TBXAS1: variants seen among roughly 807,000 people sequenced by gnomAD.
TBXAS1 encodes thromboxane-A synthase.
In TBXAS1, 48 loss-of-function variants were observed where a neutral mutation model predicts 60.7. The observed-to-expected ratio is 0.79, with a 90% CI of 0.63 to 1.01. The LOEUF is 1.01. TBXAS1 is among the 50% of genes least tolerant of loss of function. The pLI, the probability that TBXAS1 is intolerant of heterozygous loss-of-function variation, is 0.00. For synonymous variants in TBXAS1, 287 were observed against 269.7 expected (o/e 1.06, Z -0.63); for missense variants, 685 against 686.3 (o/e 1.00, Z 0.02).
intron 9 of TBXAS1, among the ~76,000 whole-genome samples, chr7:139,964,156 G>T (rs1810595393): frequency 6.6e-6 from 1 of 152,088 alleles, no homozygotes; most frequent in Non-Finnish European, 1.5e-5. Context: ...CACAATCCTG[G>T]CTCACTGCAA....
At chr7:139,959,525 C>T (rs1056137622) in intron 8 of TBXAS1, among the ~76,000 whole-genome samples, 1 of 152,144 alleles carries the variant, frequency 6.6e-6, no homozygotes, top group African/African-American at 2.4e-5. Context: ...CCCATCTATA[C>T]TAATGTTCTT....
At chr7:139,905,022 T>C (rs1398564845) in intron 3 of TBXAS1, among the ~76,000 whole-genome samples, 1 of 77,180 alleles carries the variant, frequency 1.3e-5, no homozygotes, top group Non-Finnish European at 2.4e-5. Flanking sequence ...TTTCTTTCTT[T>C]CTTTCTTTCT....
At chr7:140,001,319 C>G in intron 9 of TBXAS1, among the ~76,000 whole-genome samples, 1 of 152,166 alleles carries the variant, frequency 6.6e-6, no homozygotes, top group South Asian at 2.1e-4. Flanking sequence ...GCTCAGTCCC[C>G]CACATTTTTG....
intron 4 of TBXAS1, among the ~76,000 whole-genome samples, chr7:139,809,557 C>T (rs545580400): frequency 6.6e-6 from 1 of 152,152 alleles, no homozygotes; most frequent in African/African-American, 2.4e-5. Context: ...GCTCAGTCCC[C>T]GTCTAAAGGC....
intron 3 of TBXAS1, among the ~76,000 whole-genome samples, chr7:139,878,238 G>C (rs1802412337): frequency 2.0e-5 from 3 of 150,622 alleles, no homozygotes; most frequent in Non-Finnish European, 4.4e-5. Context: ...AAGAGGGGGA[G>C]AGAGAGAGAG....
chr7:139,801,470 C>CTTTTT (rs56097281), intron 4 of TBXAS1, among the ~76,000 whole-genome samples: 1 of 150,244 alleles, frequency 6.7e-6, no homozygotes, highest in Non-Finnish European at 1.5e-5. Context: ...TCTCTTTGTC[C>CTTTTT]TTTTTTTTTC....
intron 1 of TBXAS1, among the ~76,000 whole-genome samples, chr7:139,851,941 A>G (rs552664140): frequency 3.0e-4 from 46 of 152,242 alleles, no homozygotes; most frequent in South Asian, 2.1e-3. Flanking sequence ...CCAAGATTAG[A>G]TTATTGGAGA....
chr7:139,887,031 A>T (rs1803167606), intron 3 of TBXAS1, among the ~76,000 whole-genome samples: 1 of 152,086 alleles, frequency 6.6e-6, no homozygotes, highest in Admixed American at 6.5e-5. Flanking sequence ...CTCAAAATCC[A>T]TACCTGTTCA....
chr7:139,979,733 T>TAAC (rs1811829932), intron 9 of TBXAS1, among the ~76,000 whole-genome samples: 1 of 93,378 alleles, frequency 1.1e-5, no homozygotes, highest in African/African-American at 3.9e-5. Flanking sequence ...ATCTCAATAA[T>TAAC]AATAATAATA....
At chr7:139,868,381 C>T (rs1204018953) in intron 1 of TBXAS1, among the ~76,000 whole-genome samples, 1 of 152,174 alleles carries the variant, frequency 6.6e-6, no homozygotes, top group East Asian at 1.9e-4. Flanking sequence ...GTAAGACTCA[C>T]TCATAAGTAT....
intron 4 of TBXAS1, among the ~76,000 whole-genome samples, chr7:139,934,680 C>T (rs1421796057): frequency 6.6e-6 from 1 of 152,204 alleles, no homozygotes; most frequent in Non-Finnish European, 1.5e-5. Flanking sequence ...CTCTCTTTGG[C>T]TTGTGCATGG....
Position 140,018,753 on chromosome 7 carries a change from T to C in TBXAS1, c.1527+920T>C, listed in dbSNP as rs538497067. On this transcript the variant is annotated intron_variant, in intron 12 of 12. Coordinates refer to ENST00000448866, the MANE Select transcript of TBXAS1 (RefSeq NM_001061.7). ...CACAGCAGGACTGCAGGCTTCGTGATGGCAGGGACCCAGTCTGTCATATTC... is the reference window on the plus strand; with the variant it reads ...CACAGCAGGACTGCAGGCTTCGTGACGGCAGGGACCCAGTCTGTCATATTC... Among the ~76,000 whole-genome samples, 4 of 152,388 alleles carry C rather than the reference T, an allele frequency of 2.6e-5. 2 individuals carry two copies. The South Asian group carries it at 8.3e-4, about 32-fold the overall frequency.
At chr7:139,838,464 G>A (rs1253455873) in intron 1 of TBXAS1, among the ~76,000 whole-genome samples, 1 of 152,064 alleles carries the variant, frequency 6.6e-6, no homozygotes, top group Non-Finnish European at 1.5e-5. Flanking sequence ...AAATTCTCTT[G>A]CCCATGTGAC....
At chr7:139,836,328 A>T (rs116916307) in intron 1 of TBXAS1, among the ~76,000 whole-genome samples, 17,889 of 152,154 alleles carry the variant, frequency 0.12, 1,076 homozygotes, top group Non-Finnish European at 0.13. Flanking sequence ...TCTAAAATTC[A>T]TACAGAACTG....
intron 1 of TBXAS1, among the ~76,000 whole-genome samples, chr7:139,861,048 C>G (rs193076588): frequency 0.014 from 2,074 of 152,094 alleles, 22 homozygotes; most frequent in Middle Eastern, 0.034. Context: ...GTGGCACATG[C>G]CTGTAATCCC....
At chr7:139,829,500 G>A (rs781580953) in intron 1 of TBXAS1, 21 bp downstream of exon 1, 2 of 1,609,900 alleles carry the variant, frequency 1.2e-6, no homozygotes, top group Admixed American at 3.4e-5. Flanking sequence ...CCAGCCCTAG[G>A]GACTGTGACA....
rs141465099 is a variant in TBXAS1 at position 139,893,380 on chromosome 7, T to C, written c.236+17743T>C. 3.9e-3 allele frequency among the ~76,000 whole-genome samples: 500 copies of C among 128,428 alleles called. 4 individuals carry two copies. Among genetic ancestry groups the C allele is most frequent in the African/African-American group, 0.014 (486 of 34,854 alleles). 84.3% of individuals were successfully genotyped at this position (128,428 alleles called of 152,430 possible). A position where few individuals can be genotyped will look rare whatever the true frequency, so the allele number is the denominator to read the frequency against. On this transcript the variant is annotated intron_variant, in intron 3 of 12. Coordinates refer to ENST00000448866, the MANE Select transcript of TBXAS1 (RefSeq NM_001061.7). ...CACACACACACACAGCTCCCTTCAA[T>C]ACCCCCGAATATACATGCCTGGGCA...
At chr7:139,824,148 A>G (rs1314227506) in intron 4 of TBXAS1, among the ~76,000 whole-genome samples, 1 of 152,180 alleles carries the variant, frequency 6.6e-6, no homozygotes, top group African/African-American at 2.4e-5. Context: ...AAAAAGAAAC[A>G]CAAGTCTGAA....
At chr7:139,888,296 C>T (rs1422188704) in intron 3 of TBXAS1, among the ~76,000 whole-genome samples, 1 of 152,084 alleles carries the variant, frequency 6.6e-6, no homozygotes, top group Non-Finnish European at 1.5e-5. Context: ...TTCCTCTTTC[C>T]CACCAGCTCA....
Sources: allele counts gnomAD v4.1 joint callset (sites outside exome capture counted in the v4.1 genomes callset), GRCh38; gene constraint gnomAD v4.1.1; transcripts MANE v1.5; gene names NCBI Gene and HGNC (gene_info 2026-07-23, HGNC 2026-07-21).